The following CHM variants were observed in gnomAD, a reference collection of about 807,000 sequenced individuals.
CHM encodes rab proteins geranylgeranyltransferase component A 1.
Under a neutral mutation model 49.0 loss-of-function variants are expected in CHM, and 10 were observed. The ratio of observed to expected loss-of-function variants is 0.20; its 90% CI spans 0.13 to 0.35. The LOEUF (loss-of-function observed/expected upper bound fraction) is 0.35. Ranked by LOEUF, CHM falls within the 10% of genes least tolerant of loss-of-function variation. The pLI is 1.00. For missense variants in CHM, 455 were observed against 478.4 expected (o/e 0.95, Z 0.46); for synonymous variants, 184 against 167.5 (o/e 1.10, Z -0.76).
At chrX:85,989,450 A>G (rs773051559) in intron 2 of CHM, among the ~76,000 whole-genome samples, 4 of 112,229 alleles carry the variant, frequency 3.6e-5, no homozygotes, top group Non-Finnish European at 5.6e-5. Context: ...CAAAGATTTC[A>G]TAACAAAGAT....
At chrX:86,041,444 G>A (rs1433625462) in intron 1 of CHM, among the ~76,000 whole-genome samples, 3 of 110,104 alleles carry the variant, frequency 2.7e-5, no homozygotes, top group East Asian at 2.8e-4. Flanking sequence ...CATCTCTTAC[G>A]CTGACAACGG....
chrX:86,035,702 C>G (rs1481399589), intron 1 of CHM, among the ~76,000 whole-genome samples: 1 of 108,876 alleles, frequency 9.2e-6, no homozygotes, highest in Non-Finnish European at 1.9e-5. Flanking sequence ...TAGAATGATA[C>G]GATATTTAGG....
chrX:85,964,802 A>AC (rs1930491515), intron 4 of CHM, among the ~76,000 whole-genome samples: 1 of 112,091 alleles, frequency 8.9e-6, no homozygotes, highest in Non-Finnish European at 1.9e-5. Context: ...TTCTCAGTCC[A>AC]CCATTGTCTT....
intron 1 of CHM, among the ~76,000 whole-genome samples, chrX:86,033,397 T>C (rs1261132369): frequency 8.9e-6 from 1 of 112,322 alleles, no homozygotes; most frequent in Non-Finnish European, 1.9e-5. Flanking sequence ...CTTTCTACCT[T>C]GAAAGTCATT....
chrX:85,873,241 T>C (rs373664835), intron 13 of CHM, 29 bp from the exon 14 acceptor site: 1 of 1,019,344 alleles, frequency 9.8e-7, no homozygotes, highest in African/African-American at 1.9e-5. Context: ...TTTATTTACA[T>C]TCTAAAATAC....
At chrX:85,996,615 C>T (rs1283918618) in intron 2 of CHM, among the ~76,000 whole-genome samples, 1 of 111,477 alleles carries the variant, frequency 9.0e-6, no homozygotes, top group Non-Finnish European at 1.9e-5. Flanking sequence ...AATAAGATGG[C>T]TATGAAGATA....
At chrX:85,997,527 G>A (rs1045852262) in intron 2 of CHM, among the ~76,000 whole-genome samples, 4 of 111,385 alleles carry the variant, frequency 3.6e-5, no homozygotes, top group Non-Finnish European at 5.6e-5. Flanking sequence ...GAAAACGGAT[G>A]CCAATACAAT....
At chrX:85,880,934 TG>T (rs1213220575) in intron 12 of CHM, among the ~76,000 whole-genome samples, 4 of 112,037 alleles carry the variant, frequency 3.6e-5, no homozygotes, top group Non-Finnish European at 7.5e-5. Context: ...GAATTCATTT[TG>T]GTTCTCTTCA....
intron 8 of CHM, among the ~76,000 whole-genome samples, chrX:85,934,201 C>T (rs1481342827): frequency 1.9e-5 from 2 of 105,776 alleles, no homozygotes; most frequent in African/African-American, 3.5e-5. Context: ...AGGATGGTCT[C>T]GATCTCCTGA....
At chrX:86,029,113 T>G (rs749473352) in intron 1 of CHM, among the ~76,000 whole-genome samples, 12 of 112,166 alleles carry the variant, frequency 1.1e-4, no homozygotes, top group Admixed American at 6.6e-4. Flanking sequence ...ACAAATGTAC[T>G]GAAAATAACC....
chrX:85,935,785 C>T (rs908624789), intron 8 of CHM, among the ~76,000 whole-genome samples: 1 of 111,618 alleles, frequency 9.0e-6, no homozygotes, highest in Non-Finnish European at 1.9e-5. Context: ...ATTAAGCAAG[C>T]GTGAATCTAC....
chrX:86,036,667 G>A (rs752345136), intron 1 of CHM, among the ~76,000 whole-genome samples: 2 of 111,875 alleles, frequency 1.8e-5, no homozygotes, highest in East Asian at 5.6e-4. Flanking sequence ...ATATATTTTG[G>A]GGCTAAATAT....
intron 1 of CHM, among the ~76,000 whole-genome samples, chrX:86,044,022 G>C (rs1035184134): frequency 8.9e-6 from 1 of 111,869 alleles, no homozygotes; most frequent in African/African-American, 3.3e-5. Flanking sequence ...CTTTTAAAAA[G>C]AAAAAATGCA....
chrX:85,917,577 G>GA (rs1927530942), intron 8 of CHM, among the ~76,000 whole-genome samples: 1 of 111,549 alleles, frequency 9.0e-6, no homozygotes, highest in Non-Finnish European at 1.9e-5. Context: ...TGAAATGGCT[G>GA]AAATGACAGA....
chrX:86,011,283 G>T (rs970093876), intron 2 of CHM, among the ~76,000 whole-genome samples: 1 of 111,314 alleles, frequency 9.0e-6, no homozygotes, highest in African/African-American at 3.3e-5. Flanking sequence ...ATACTACCGG[G>T]ATTATCAAAT....
intron 2 of CHM, among the ~76,000 whole-genome samples, chrX:85,985,735 C>T (rs2898830): frequency 0.28 from 31,059 of 111,823 alleles, 3,559 homozygotes; most frequent in Admixed American, 0.39. Flanking sequence ...TTTGCTGCTT[C>T]ACAACCTTCT....
intron 2 of CHM, among the ~76,000 whole-genome samples, chrX:85,982,519 C>G (rs1238667975): frequency 9.0e-6 from 1 of 111,639 alleles, no homozygotes; most frequent in East Asian, 2.8e-4. Context: ...TTTGGACAAC[C>G]CAGAGGTCTC....
chrX:85,893,981 C>A (rs1429724443), intron 12 of CHM, among the ~76,000 whole-genome samples: 1 of 111,840 alleles, frequency 8.9e-6, no homozygotes, highest in Non-Finnish European at 1.9e-5. Context: ...AAACATCATG[C>A]TTGTGAAGAT....
intron 1 of CHM, among the ~76,000 whole-genome samples, chrX:86,043,254 C>T (rs1934540097): frequency 9.0e-6 from 1 of 111,440 alleles, no homozygotes; most frequent in African/African-American, 3.3e-5. Context: ...ATAGGATGGT[C>T]ATGTGATTAT....
Sources: allele counts gnomAD v4.1 joint callset (sites outside exome capture counted in the v4.1 genomes callset), GRCh38; gene constraint gnomAD v4.1.1; transcripts MANE v1.5; gene names NCBI Gene and HGNC (gene_info 2026-07-23, HGNC 2026-07-21).